MAPRE2: variants seen among roughly 807,000 people sequenced by gnomAD.
MAPRE2 encodes microtubule-associated protein RP/EB family member 2.
In MAPRE2, 13 loss-of-function variants were observed where a neutral mutation model predicts 43.2. The observed-to-expected ratio is 0.30, with a 90% CI of 0.20 to 0.48. The LOEUF (loss-of-function observed/expected upper bound fraction) is 0.48. Ranked by LOEUF, MAPRE2 falls within the 20% of genes least tolerant of loss-of-function variation. The pLI is 0.99. For synonymous variants in MAPRE2, 135 were observed against 148.8 expected (o/e 0.91, Z 0.68); for missense variants, 161 against 400.2 (o/e 0.40, Z 5.10).
chr18:34,991,623 GA>G lies in MAPRE2; in HGVS notation c.-69-13867del, dbSNP rs1272366479. Among the ~76,000 whole-genome samples, 4 of 152,222 alleles carry G rather than the reference GA, an allele frequency of 2.6e-5. No individual in the cohort carries two copies. In the East Asian group the frequency reaches 5.8e-4, roughly 22 times the overall value. ...ATGGACACAGCTCCAGGAGCATTGTGAATTGGAGTTAGGTTCATCTCTTTTG... is the reference window on the plus strand; with the variant it reads ...ATGGACACAGCTCCAGGAGCATTGTGATTGGAGTTAGGTTCATCTCTTTTG... On this transcript the variant is annotated intron_variant, in intron 1 of 7. Transcript: ENST00000413393.
At chr18:35,066,457 C>T (rs561835402) in intron 1 of MAPRE2, among the ~76,000 whole-genome samples, 1 of 152,350 alleles carries the variant, frequency 6.6e-6, no homozygotes, top group South Asian at 2.1e-4. Flanking sequence ...CCCCAGAAAT[C>T]ATAATGAAAT....
intron 4 of MAPRE2, among the ~76,000 whole-genome samples, chr18:35,120,747 A>G (rs535271765): frequency 6.6e-6 from 1 of 151,964 alleles, no homozygotes; most frequent in Non-Finnish European, 1.5e-5. Context: ...AACCAAGCTC[A>G]TCATCTGTTA....
chr18:35,093,614 G>A (rs540523676), intron 2 of MAPRE2, among the ~76,000 whole-genome samples: 51 of 152,294 alleles, frequency 3.3e-4, no homozygotes, highest in Admixed American at 2.9e-3. Context: ...TGTCATTTGT[G>A]GCCACATGGA....
At chr18:35,014,225 G>C (rs2097036666) in intron 2 of MAPRE2, among the ~76,000 whole-genome samples, 1 of 152,056 alleles carries the variant, frequency 6.6e-6, no homozygotes, top group Non-Finnish European at 1.5e-5. Flanking sequence ...GAAGGTGGTA[G>C]GGTCGGAGAT....
At chr18:35,096,003 C>T (rs1157238309) in intron 2 of MAPRE2, among the ~76,000 whole-genome samples, 5 of 152,154 alleles carry the variant, frequency 3.3e-5, no homozygotes, top group African/African-American at 4.8e-5. Flanking sequence ...TATCACTTTA[C>T]GCTCTTACCT....
chr18:35,046,220 G>A (rs1176218670), intron 1 of MAPRE2, among the ~76,000 whole-genome samples: 5 of 152,228 alleles, frequency 3.3e-5, no homozygotes, highest in Non-Finnish European at 7.3e-5. Context: ...TTGAAAGTCT[G>A]CTCTGGCCAA....
At chr18:35,016,214 A>G (rs1278122532) in intron 2 of MAPRE2, among the ~76,000 whole-genome samples, 1 of 151,902 alleles carries the variant, frequency 6.6e-6, no homozygotes, top group Non-Finnish European at 1.5e-5. Flanking sequence ...ATAGACTCCT[A>G]GGCAGATTCC....
At chr18:35,112,846 C>T (rs76233331) in intron 4 of MAPRE2, among the ~76,000 whole-genome samples, 3,254 of 152,308 alleles carry the variant, frequency 0.021, 105 homozygotes, top group African/African-American at 0.073. Flanking sequence ...GTATAAACAA[C>T]AGAAATGTAT....
chr18:35,089,040 G>C (rs1410724079), intron 2 of MAPRE2, among the ~76,000 whole-genome samples: 1 of 152,192 alleles, frequency 6.6e-6, no homozygotes, highest in Non-Finnish European at 1.5e-5. Flanking sequence ...TGTCAAAGTT[G>C]AATGATACTG....
At chr18:35,038,612 G>A (rs1331692831), upstream of MAPRE2, among the ~76,000 whole-genome samples, 2 of 152,106 alleles carry the variant, frequency 1.3e-5, no homozygotes, top group Non-Finnish European at 2.9e-5. Context: ...ACTTGGGGCT[G>A]GAAAGAGTGA....
Position 35,142,650 on chromosome 18 carries a change from A to G in MAPRE2, c.*2281A>G, listed in dbSNP as rs187906833. 8.5e-5 allele frequency: 13 copies of G among 152,324 alleles called. No individual in the cohort carries two copies. Among genetic ancestry groups the G allele is most frequent in the African/African-American group, 3.1e-4 (13 of 41,562 alleles). 9.4% of individuals were successfully genotyped at this position (152,324 alleles called of 1,614,324 possible). ...ATTCGTTTATTTAGAGAAGAGCTAT[A>G]CATTCTTCTTTCTGGTCCCATCTTA... On this transcript the variant is annotated 3_prime_UTR_variant, in exon 7 of 7. Coordinates refer to ENST00000300249, the MANE Select transcript of MAPRE2 (RefSeq NM_014268.4).
chr18:35,005,412 TA>T (rs2097031382), intron 1 of MAPRE2: 1 of 883,616 alleles, frequency 1.1e-6, no homozygotes, highest in Non-Finnish European at 1.7e-6. Context: ...CCCACTAAAC[TA>T]AATTATAACT....
At chr18:35,035,115 AT>A (rs2097049828) in intron 2 of MAPRE2, among the ~76,000 whole-genome samples, 1 of 152,060 alleles carries the variant, frequency 6.6e-6, no homozygotes. Context: ...ACCAACCCAA[AT>A]GTCCAACAAT....
chr18:35,118,879 G>A (rs1191236467), intron 4 of MAPRE2, among the ~76,000 whole-genome samples: 1 of 152,100 alleles, frequency 6.6e-6, no homozygotes, highest in Non-Finnish European at 1.5e-5. Flanking sequence ...CCTCTGCCTG[G>A]CCTGCTCTGC....
chr18:35,089,845 T>C (rs543161639), intron 2 of MAPRE2, among the ~76,000 whole-genome samples: 2 of 152,352 alleles, frequency 1.3e-5, no homozygotes, highest in African/African-American at 4.8e-5. Context: ...CAACTGTTTG[T>C]AGCATCATTA....
At chr18:35,059,699 A>G (rs1316529355) in intron 1 of MAPRE2, among the ~76,000 whole-genome samples, 5 of 152,178 alleles carry the variant, frequency 3.3e-5, no homozygotes, top group African/African-American at 1.2e-4. Context: ...AGAAGTGGGC[A>G]TGGAGGGTTC....
chr18:34,984,986 T>A (rs1395513939), intron 1 of MAPRE2, among the ~76,000 whole-genome samples: 46 of 70,638 alleles, frequency 6.5e-4, no homozygotes, highest in Non-Finnish European at 9.2e-4. Flanking sequence ...TAAAATATAT[T>A]ATATATAAAA....
intron 2 of MAPRE2, among the ~76,000 whole-genome samples, chr18:35,030,019 G>T (rs1482386585): frequency 6.6e-6 from 1 of 152,196 alleles, no homozygotes; most frequent in Non-Finnish European, 1.5e-5. Flanking sequence ...GCTAGCTGAC[G>T]CTTACTGAGA....
intron 6 of MAPRE2, among the ~76,000 whole-genome samples, chr18:35,139,719 AAC>A (rs1323740469): frequency 1.3e-5 from 2 of 152,206 alleles, no homozygotes; most frequent in Non-Finnish European, 2.9e-5. Flanking sequence ...GGGAACCTCT[AAC>A]ACTGCTGCTC....
Sources: allele counts gnomAD v4.1 joint callset (sites outside exome capture counted in the v4.1 genomes callset), GRCh38; gene constraint gnomAD v4.1.1; transcripts MANE v1.5; gene names NCBI Gene and HGNC (gene_info 2026-07-23, HGNC 2026-07-21).